The following NPSR1 variants were observed in gnomAD, a reference collection of about 807,000 sequenced individuals.
NPSR1 encodes the protein neuropeptide S receptor 1, also known as neuropeptide S receptor.
In NPSR1, 48 loss-of-function variants were observed where a neutral mutation model predicts 46.9. The ratio of observed to expected loss-of-function variants is 1.02; its 90% confidence interval spans 0.81 to 1.30. The LOEUF is 1.30. Among genes scored for constraint, NPSR1 ranks in the 50% most tolerant of loss-of-function variants. NPSR1 has a pLI of 0.00. For missense variants in NPSR1, 450 were observed against 449.5 expected (o/e 1.00, Z -0.01); for synonymous variants, 176 against 168.1 (o/e 1.05, Z -0.36).
intron 3 of NPSR1, among the ~76,000 whole-genome samples, chr7:34,804,379 CAATT>C (rs1185116273): frequency 6.6e-6 from 1 of 151,924 alleles, no homozygotes; most frequent in Non-Finnish European, 1.5e-5. Context: ...ATTTAAAAAT[CAATT>C]AATATAATCT....
chr7:34,829,618 CG>C lies in NPSR1; in HGVS notation c.680+2017del, dbSNP rs1790022958. Among the ~76,000 whole-genome samples, 3 of 152,296 alleles carry C rather than the reference CG, an allele frequency of 2.0e-5. No individual in the cohort carries two copies. In the South Asian group the frequency reaches 6.2e-4, roughly 32 times the overall value. On this transcript the variant is annotated intron_variant, in intron 5 of 8. Coordinates refer to ENST00000360581, the MANE Select transcript of NPSR1 (RefSeq NM_207172.2). Reference sequence around the variant, plus strand: ...AGAAATGAACTCCAGTCAAAGTCCCCGCTCAGCAGAGTGGATGCTGCAGCAC... The same window carrying C: ...AGAAATGAACTCCAGTCAAAGTCCCCCTCAGCAGAGTGGATGCTGCAGCAC...
intron 2 of NPSR1, among the ~76,000 whole-genome samples, chr7:34,729,482 GT>G (rs531149258): frequency 3.3e-5 from 5 of 151,988 alleles, no homozygotes; most frequent in Non-Finnish European, 7.4e-5. Flanking sequence ...ATTTATCTGA[GT>G]AATTTAGCTA....
rs1235643944 is a variant in NPSR1 at position 34,867,569 on chromosome 7, G to A, written c.1026-10507G>A. ...CCACTGGAAACACATCCAAGTCCCC[G>A]TGACTCACAACTGTCATAGCTGTGA... is the stretch of plus-strand genomic sequence containing the variant. On this transcript the variant is annotated intron_variant, in intron 8 of 8. Coordinates refer to the NPSR1 transcript ENST00000359791. Among the ~76,000 whole-genome samples the A allele has an allele frequency of 3.3e-5, 5 of 152,000 alleles. No homozygotes were observed. In the South Asian group the frequency reaches 6.2e-4, roughly 19 times the overall value.
chr7:34,814,587 C>T, intron 4 of NPSR1, among the ~76,000 whole-genome samples: 1 of 152,218 alleles, frequency 6.6e-6, no homozygotes, highest in South Asian at 2.1e-4. Context: ...CAGACTGCCT[C>T]CTCAAGTGGG....
At chr7:34,815,771 T>C (rs1016955617) in intron 4 of NPSR1, among the ~76,000 whole-genome samples, 2 of 150,808 alleles carry the variant, frequency 1.3e-5, no homozygotes, top group South Asian at 4.2e-4. Flanking sequence ...TCAACATTCT[T>C]AAAGAGAAGA....
At chr7:34,860,732 T>C (rs1791171048) in intron 8 of NPSR1, among the ~76,000 whole-genome samples, 1 of 151,886 alleles carries the variant, frequency 6.6e-6, no homozygotes, top group East Asian at 1.9e-4. Flanking sequence ...AAAATTCCAC[T>C]GTACACATGA....
At chr7:34,825,691 C>T (rs575940803) in intron 4 of NPSR1, among the ~76,000 whole-genome samples, 94 of 152,224 alleles carry the variant, frequency 6.2e-4, no homozygotes, top group African/African-American at 2.2e-3. Context: ...TCCAAAGGAC[C>T]CAGAAAAGTT....
At chr7:34,731,289 G>A (rs1784406597) in intron 2 of NPSR1, among the ~76,000 whole-genome samples, 1 of 152,004 alleles carries the variant, frequency 6.6e-6, no homozygotes, top group Non-Finnish European at 1.5e-5. Flanking sequence ...ATAGGAACAA[G>A]TAAGATACAC....
intron 3 of NPSR1, among the ~76,000 whole-genome samples, chr7:34,808,963 C>T (rs1381898413): frequency 1.3e-5 from 2 of 152,088 alleles, no homozygotes; most frequent in African/African-American, 4.8e-5. Context: ...ATCTTTTTAT[C>T]AACATTGACT....
chr7:34,660,175 A>G (rs1275706403), intron 1 of NPSR1: 1 of 456,626 alleles, frequency 2.2e-6, no homozygotes, highest in Non-Finnish European at 4.4e-6. Flanking sequence ...GCTGATTCCT[A>G]TTGATATGTT....
intron 2 of NPSR1, among the ~76,000 whole-genome samples, chr7:34,752,914 G>T (rs1461534522): frequency 6.6e-6 from 1 of 152,128 alleles, no homozygotes; most frequent in Non-Finnish European, 1.5e-5. Context: ...CTTCCCAGAA[G>T]ATTTTGCCAA....
At chr7:34,874,524 C>T (rs116766345) in intron 8 of NPSR1, among the ~76,000 whole-genome samples, 2,720 of 152,148 alleles carry the variant, frequency 0.018, 90 homozygotes, top group African/African-American at 0.062. Context: ...CCTGGAATTG[C>T]GCAAGGGCCG....
chr7:34,746,240 T>A (rs1214819396), intron 2 of NPSR1, among the ~76,000 whole-genome samples: 3 of 152,224 alleles, frequency 2.0e-5, no homozygotes, highest in African/African-American at 4.8e-5. Context: ...AATGAAAGAA[T>A]CAAACTAGCT....
chr7:34,665,828 G>A (rs117440882), intron 1 of NPSR1, among the ~76,000 whole-genome samples: 1,861 of 151,812 alleles, frequency 0.012, 10 homozygotes, highest in Non-Finnish European at 0.018. Flanking sequence ...ACACCCATGA[G>A]CACATACACA....
intron 2 of NPSR1, among the ~76,000 whole-genome samples, chr7:34,711,699 C>T (rs1031210268): frequency 7.2e-5 from 11 of 152,236 alleles, no homozygotes; most frequent in African/African-American, 2.7e-4. Flanking sequence ...AGACGATGCA[C>T]ATAAAATGCC....
chr7:34,855,690 T>A (rs1791033753), intron 8 of NPSR1, among the ~76,000 whole-genome samples: 1 of 152,044 alleles, frequency 6.6e-6, no homozygotes, highest in Admixed American at 6.6e-5. Context: ...AAAACCTCAA[T>A]ATCAAATGCT....
intron 6 of NPSR1, among the ~76,000 whole-genome samples, chr7:34,837,229 G>A (rs970709046): frequency 6.6e-6 from 1 of 152,108 alleles, no homozygotes; most frequent in Non-Finnish European, 1.5e-5. Flanking sequence ...TGGCCCTTTA[G>A]CCTGAGTAAA....
chr7:34,705,674 CTAA>C (rs1794070093), intron 2 of NPSR1, among the ~76,000 whole-genome samples: 1 of 151,926 alleles, frequency 6.6e-6, no homozygotes, highest in Admixed American at 6.6e-5. Context: ...TTAAACTTTG[CTAA>C]TGTGATATTA....
At chr7:34,716,298 T>C (rs1783561954) in intron 2 of NPSR1, among the ~76,000 whole-genome samples, 1 of 152,164 alleles carries the variant, frequency 6.6e-6, no homozygotes. Flanking sequence ...CATAAAATGA[T>C]GGCAAATAAC....
Sources: allele counts gnomAD v4.1 joint callset (sites outside exome capture counted in the v4.1 genomes callset), GRCh38; gene constraint gnomAD v4.1.1; transcripts MANE v1.5; gene names NCBI Gene and HGNC (gene_info 2026-07-23, HGNC 2026-07-21).